The following SLC25A48 variants were observed in gnomAD, a reference collection of about 807,000 sequenced individuals.
The protein encoded by SLC25A48 is CTC-321K16.1.
In SLC25A48, 29 loss-of-function variants were observed where a neutral mutation model predicts 32.2. That is an observed-to-expected ratio of 0.90 (90% confidence interval 0.67 to 1.23). The LOEUF is 1.23. Ranked by LOEUF, SLC25A48 falls within the 50% of genes most tolerant of loss-of-function variation. The pLI is 0.00. For missense variants in SLC25A48, 399 were observed against 422.7 expected, an observed-to-expected ratio of 0.94 and a Z score of 0.49; for synonymous variants, 164 against 172.3, an observed-to-expected ratio of 0.95 and a Z score of 0.38.
intron 3 of SLC25A48, among the ~76,000 whole-genome samples, chr5:135,701,427 C>A (rs1182899647): frequency 3.3e-5 from 5 of 152,186 alleles, no homozygotes; most frequent in South Asian, 4.1e-4. Flanking sequence ...AAGCAGGGGA[C>A]CTGGTGACAT....
chr5:135,596,768 G>C (rs1751661863), intron 1 of SLC25A48, among the ~76,000 whole-genome samples: 1 of 152,184 alleles, frequency 6.6e-6, no homozygotes, highest in Non-Finnish European at 1.5e-5. Context: ...CTTTTCATTA[G>C]ATTGACCTTC....
intron 3 of SLC25A48, among the ~76,000 whole-genome samples, chr5:135,789,573 G>A (rs78329811): frequency 0.022 from 3,313 of 150,546 alleles, 59 homozygotes; most frequent in Non-Finnish European, 0.03. Flanking sequence ...AACCCTGTGC[G>A]ATATGGTTTG....
intron 4 of SLC25A48, among the ~76,000 whole-genome samples, chr5:135,816,665 G>A (rs1243343187): frequency 6.6e-6 from 1 of 152,108 alleles, no homozygotes; most frequent in Non-Finnish European, 1.5e-5. Flanking sequence ...TGGTTATTAG[G>A]GACTTCTGCT....
intron 3 of SLC25A48, among the ~76,000 whole-genome samples, chr5:135,778,835 A>ACCCCCCC (rs1440052779): frequency 1.6e-4 from 18 of 114,632 alleles, no homozygotes; most frequent in South Asian, 3.0e-4. Context: ...AGTGGTGTAC[A>ACCCCCCC]CACACCCCCC....
At chr5:135,622,449 T>C (rs1013619423) in intron 1 of SLC25A48, among the ~76,000 whole-genome samples, 1 of 152,258 alleles carries the variant, frequency 6.6e-6, no homozygotes, top group Non-Finnish European at 1.5e-5. Context: ...AATAGTTAAC[T>C]AAATCATGGC....
intron 1 of SLC25A48, among the ~76,000 whole-genome samples, chr5:135,604,150 T>G (rs1469659119): frequency 1.3e-5 from 2 of 152,210 alleles, no homozygotes; most frequent in African/African-American, 2.4e-5. Context: ...TAGCAAGCTT[T>G]AAGAAACCTC....
chr5:135,734,486 G>T (rs1432098464), intron 3 of SLC25A48, among the ~76,000 whole-genome samples: 1 of 152,080 alleles, frequency 6.6e-6, no homozygotes, highest in Non-Finnish European at 1.5e-5. Flanking sequence ...AAGGAAACAG[G>T]CCTTTGAAAA....
At chr5:135,834,566 T>G (rs776968401), upstream of SLC25A48, 1 of 436,152 alleles carries the variant, frequency 2.3e-6, no homozygotes, top group Non-Finnish European at 4.0e-6. Flanking sequence ...CCTTGCCTCT[T>G]TGTGTCTGGG....
At position 135,786,993 on chromosome 5, in the gene SLC25A48, T is replaced by A. The variant is rs140509488; in HGVS notation, c.-520-25530T>A. On this transcript the variant is annotated intron_variant, in intron 3 of 10. Coordinates refer to the SLC25A48 transcript ENST00000646290. ...GTGTGTGTACACTATGTGTATACACTCTGTGATATTATTTGTACTCTCCTA... is the reference window on the plus strand; with the variant it reads ...GTGTGTGTACACTATGTGTATACACACTGTGATATTATTTGTACTCTCCTA... Among the ~76,000 whole-genome samples the A allele has an allele frequency of 5.7e-3, 869 of 152,136 alleles. 2 individuals carry two copies. Among genetic ancestry groups the A allele is most frequent in the African/African-American group, 0.018 (764 of 41,498 alleles).
intron 3 of SLC25A48, among the ~76,000 whole-genome samples, chr5:135,741,871 A>G (rs1755508313): frequency 1.3e-5 from 2 of 152,194 alleles, no homozygotes; most frequent in Non-Finnish European, 1.5e-5. Flanking sequence ...AAAAGGGGTT[A>G]ATAAGGAGGA....
intron 2 of SLC25A48, among the ~76,000 whole-genome samples, chr5:135,631,964 A>G (rs73283212): frequency 0.038 from 5,712 of 152,252 alleles, 369 homozygotes; most frequent in African/African-American, 0.13. Flanking sequence ...GGTCTTTGAG[A>G]CGATGTCAGC....
At chr5:135,660,934 C>T (rs1753381080) in intron 3 of SLC25A48, among the ~76,000 whole-genome samples, 1 of 152,204 alleles carries the variant, frequency 6.6e-6, no homozygotes, top group African/African-American at 2.4e-5. Context: ...GTTATGTTTT[C>T]TCAGCATGAG....
rs556238522 is a variant in SLC25A48 at position 135,775,003 on chromosome 5, G to T, written c.-520-37520G>T. 5.9e-5 allele frequency among the ~76,000 whole-genome samples: 9 copies of T among 151,674 alleles called. No individual in the cohort carries two copies. In the East Asian group the frequency reaches 1.8e-3, roughly 30 times the overall value. ...TTGTGATATTGTTCCTAATATCCAG[G>T]GGGTGACAATGATATTACTGTCTGT... On this transcript the variant is annotated intron_variant, in intron 3 of 10. Transcript: ENST00000646290.
chr5:135,637,731 CT>C (rs1468516086), intron 3 of SLC25A48, among the ~76,000 whole-genome samples: 1 of 152,170 alleles, frequency 6.6e-6, no homozygotes, highest in Non-Finnish European at 1.5e-5. Context: ...GGCTCAACCC[CT>C]GTTCTTTGTT....
chr5:135,630,754 A>T (rs1189968036), intron 2 of SLC25A48, among the ~76,000 whole-genome samples: 1 of 151,786 alleles, frequency 6.6e-6, no homozygotes, highest in African/African-American at 2.4e-5. Context: ...GGTGCCTGCC[A>T]CCAAGCCTGG....
At chr5:135,597,510 C>G (rs1387326112) in intron 1 of SLC25A48, among the ~76,000 whole-genome samples, 1 of 152,240 alleles carries the variant, frequency 6.6e-6, no homozygotes, top group Non-Finnish European at 1.5e-5. Context: ...CACCAGGACA[C>G]TGCAGAATGG....
intron 4 of SLC25A48, among the ~76,000 whole-genome samples, chr5:135,854,224 A>C (rs1339979649): frequency 6.6e-6 from 1 of 152,226 alleles, no homozygotes; most frequent in Non-Finnish European, 1.5e-5. Context: ...GTAAGTGAGC[A>C]CTGGGTTCAA....
intron 3 of SLC25A48, among the ~76,000 whole-genome samples, chr5:135,710,098 A>G (rs918940802): frequency 1.3e-5 from 2 of 152,240 alleles, no homozygotes; most frequent in Non-Finnish European, 2.9e-5. Flanking sequence ...GCACACCAAC[A>G]GGAAGTCCCC....
At chr5:135,850,390 T>A in intron 2 of SLC25A48, 35 bp from the exon 3 acceptor site, 2 of 1,609,898 alleles carry the variant, frequency 1.2e-6, no homozygotes, top group Non-Finnish European at 1.7e-6. Flanking sequence ...ATGAATAACC[T>A]CTGCGCTGAC....
Sources: allele counts gnomAD v4.1 joint callset (sites outside exome capture counted in the v4.1 genomes callset), GRCh38; gene constraint gnomAD v4.1.1; transcripts MANE v1.5; gene names NCBI Gene and HGNC (gene_info 2026-07-23, HGNC 2026-07-21).